Variants in ADAMTS19 observed in about 807,000 individuals in gnomAD.
ADAMTS19 encodes A disintegrin and metalloproteinase with thrombospondin motifs 19.
In ADAMTS19, 93 loss-of-function variants were observed where a neutral mutation model predicts 153.3. The ratio of observed to expected loss-of-function variants is 0.61; its 90% CI spans 0.51 to 0.72. The LOEUF is 0.72. ADAMTS19 is among the 30% of genes least tolerant of loss of function. The probability of loss-of-function intolerance (pLI) is 0.00; values close to 1 mark genes in which losing one functional copy is unlikely to be tolerated. For synonymous variants in ADAMTS19, 600 were observed against 556.6 expected, an observed-to-expected ratio of 1.08 and a Z score of -1.10; for missense variants, 1,482 against 1,552.1, an observed-to-expected ratio of 0.95 and a Z score of 0.76.
chr5:129,644,179 G>T (rs1465478371), intron 11 of ADAMTS19, among the ~76,000 whole-genome samples: 6 of 152,142 alleles, frequency 3.9e-5, no homozygotes, highest in Non-Finnish European at 8.8e-5. Context: ...TTGTGTTAAT[G>T]ATAACTCTCT....
chr5:129,514,967 A>G (rs751395186), intron 3 of ADAMTS19, among the ~76,000 whole-genome samples: 49 of 152,102 alleles, frequency 3.2e-4, no homozygotes, highest in Non-Finnish European at 6.6e-4. Context: ...ATTTTTGTAT[A>G]TGGTGAGAGA....
rs534310615 is a variant in ADAMTS19, at chr5:129,603,456, T to C, written c.1478+6792T>C. On this transcript the variant is annotated intron_variant, in intron 8 of 22. Coordinates refer to ENST00000274487, the MANE Select transcript of ADAMTS19 (RefSeq NM_133638.6). The stretch of plus-strand genomic sequence containing the variant: ...TATAAATAAAGATACCATATTTTTA[T>C]ATACACACATACAACGTAGGCTTTT... 3.9e-5 allele frequency among the ~76,000 whole-genome samples: 6 copies of C among 152,344 alleles called. No individual in the cohort carries two copies. The East Asian group carries it at 1.2e-3, about 29-fold the overall frequency.
At chr5:129,551,150 A>T in intron 6 of ADAMTS19, among the ~76,000 whole-genome samples, 1 of 151,668 alleles carries the variant, frequency 6.6e-6, no homozygotes, top group East Asian at 1.9e-4. Context: ...TTTGCCTAAG[A>T]TCACATAGCT....
intron 2 of ADAMTS19, among the ~76,000 whole-genome samples, chr5:129,471,320 T>C (rs1561529474): frequency 1.3e-5 from 2 of 151,824 alleles, no homozygotes; most frequent in Non-Finnish European, 2.9e-5. Flanking sequence ...GAGCTGTGAT[T>C]GCACCACTGC....
chr5:129,611,177 T>A (rs1206953419), intron 8 of ADAMTS19, among the ~76,000 whole-genome samples: 1 of 152,208 alleles, frequency 6.6e-6, no homozygotes, highest in Non-Finnish European at 1.5e-5. Context: ...CTTTGTAGAT[T>A]CTGGATATTA....
intron 6 of ADAMTS19, among the ~76,000 whole-genome samples, chr5:129,533,463 G>A (rs999686117): frequency 6.6e-5 from 10 of 152,110 alleles, no homozygotes; most frequent in Middle Eastern, 6.8e-3. Context: ...CTTTTATTGC[G>A]TCTATTTGAT....
intron 19 of ADAMTS19, among the ~76,000 whole-genome samples, chr5:129,696,483 A>G (rs930108659): frequency 6.6e-6 from 1 of 152,224 alleles, no homozygotes; most frequent in Non-Finnish European, 1.5e-5. Context: ...TAGATTCAAT[A>G]TATTTTAGAT....
At chr5:129,547,009 G>T (rs1752884970) in intron 6 of ADAMTS19, among the ~76,000 whole-genome samples, 2 of 150,926 alleles carry the variant, frequency 1.3e-5, no homozygotes, top group African/African-American at 5.0e-5. Context: ...TATGTGGTAG[G>T]CAGGAAAAGT....
intron 14 of ADAMTS19, among the ~76,000 whole-genome samples, chr5:129,655,104 G>A (rs1043963786): frequency 3.3e-5 from 5 of 152,166 alleles, no homozygotes; most frequent in African/African-American, 1.2e-4. Context: ...AGATTAATAT[G>A]CACAAAGTTT....
chr5:129,618,070 G>A (rs1421413355), intron 8 of ADAMTS19, among the ~76,000 whole-genome samples: 1 of 148,150 alleles, frequency 6.7e-6, no homozygotes, highest in Non-Finnish European at 1.5e-5. Context: ...ACTGAGGCAG[G>A]TTTATTTATT....
At chr5:129,566,531 C>T (rs781422861) in intron 7 of ADAMTS19, among the ~76,000 whole-genome samples, 1 of 152,110 alleles carries the variant, frequency 6.6e-6, no homozygotes, top group Non-Finnish European at 1.5e-5. Flanking sequence ...GCCACCAAAC[C>T]AGCAGTGAGT....
intron 2 of ADAMTS19, among the ~76,000 whole-genome samples, chr5:129,499,381 C>G (rs947315695): frequency 5.3e-5 from 8 of 152,048 alleles, no homozygotes; most frequent in African/African-American, 1.9e-4. Context: ...TTCCACTTGA[C>G]CAGTCTTCAC....
rs148424902 is a variant in ADAMTS19, at chr5:129,586,614, C to A, written c.1373-9945C>A. 7.3e-3 allele frequency among the ~76,000 whole-genome samples: 1,106 copies of A among 152,264 alleles called. 13 individuals are homozygous for A. The highest frequency in any genetic ancestry group is 0.025 in the African/African-American group (1,049 of 41,552). On this transcript the variant is annotated intron_variant, in intron 7 of 22. Transcript: ENST00000274487. ...TTATGAATAAAGCTGCTATAAACAT[C>A]CATGTGCAGGATTTTGTATGGACAT...
chr5:129,725,566 C>T (rs191800682), intron 21 of ADAMTS19, among the ~76,000 whole-genome samples: 7 of 152,222 alleles, frequency 4.6e-5, no homozygotes, highest in Admixed American at 2.0e-4. Context: ...TTGCTGATCA[C>T]CAGTTTCAGG....
Position 129,460,313 on chromosome 5 carries a change from C to A in ADAMTS19, c.-79C>A. 7.7e-7 allele frequency: 1 copy of A among 1,302,190 alleles called. No individual in the cohort carries two copies. Among genetic ancestry groups the A allele is most frequent in the Non-Finnish European group, 1.1e-6 (1 of 923,332 alleles). The allele number at this position is 1,302,190 out of a possible 1,614,324, so 80.7% of individuals were successfully genotyped here. ...TTCGCCGCCCGGCCTCCTAGCGCTC[C>A]GGGGAGGCCGCTGCGCCCCGGAGTG... On this transcript the variant is annotated 5_prime_UTR_variant, in exon 1 of 23. Coordinates refer to ENST00000274487, the MANE Select transcript of ADAMTS19 (RefSeq NM_133638.6).
intron 7 of ADAMTS19, among the ~76,000 whole-genome samples, chr5:129,587,319 C>G (rs1749860708): frequency 6.6e-6 from 1 of 151,494 alleles, no homozygotes; most frequent in Non-Finnish European, 1.5e-5. Flanking sequence ...TTTTGTCTAA[C>G]TTTTACTCGA....
intron 6 of ADAMTS19, among the ~76,000 whole-genome samples, chr5:129,539,385 G>T (rs1353277371): frequency 6.6e-6 from 1 of 152,080 alleles, no homozygotes; most frequent in East Asian, 1.9e-4. Context: ...GCAATGTCTA[G>T]AAGCTGGAAA....
chr5:129,640,962 T>C (rs1211470506), intron 10 of ADAMTS19, among the ~76,000 whole-genome samples: 5 of 152,068 alleles, frequency 3.3e-5, no homozygotes, highest in Non-Finnish European at 7.4e-5. Context: ...GTAGCTGGGA[T>C]TATGGGTGTG....
At chr5:129,524,789 T>G (rs1487599847) in intron 3 of ADAMTS19, among the ~76,000 whole-genome samples, 1 of 151,354 alleles carries the variant, frequency 6.6e-6, no homozygotes. Flanking sequence ...AAAGAAAATA[T>G]CAACACCACA....
Sources: gnomAD v4.1 joint callset for allele counts (sites outside exome capture counted in the v4.1 genomes callset) on GRCh38, gnomAD v4.1.1 for gene constraint, MANE v1.5 for transcripts, NCBI Gene and HGNC (gene_info 2026-07-23, HGNC 2026-07-21) for gene names.